Variants in DNHD1 observed in about 807,000 individuals in gnomAD.
DNHD1 encodes the protein dynein heavy chain domain 1.
A neutral mutation model predicts 458.1 loss-of-function variants in DNHD1; 383 were observed. That is an observed-to-expected ratio of 0.84 (90% CI 0.77 to 0.91). The LOEUF (loss-of-function observed/expected upper bound fraction) is 0.91. DNHD1 is among the 40% of genes least tolerant of loss of function. The pLI is 0.00. For synonymous variants in DNHD1, 2,203 were observed against 2,376.9 expected, an observed-to-expected ratio of 0.93 and a Z score of 2.13; for missense variants, 5,336 against 5,866.1, an observed-to-expected ratio of 0.91 and a Z score of 2.95.
rs780982626 is a variant in DNHD1 at position 6,566,885 on chromosome 11, G to A, written c.11386-10G>A. The A allele has an allele frequency of 3.1e-6, 5 of 1,610,058 alleles. 1 individual carries two copies. The South Asian group carries it at 4.4e-5, about 14-fold the overall frequency. ...AGGGCCAGATCCATCCAACAAATGA[G>A]TGTATGCAGGAGCGGCTGCTGACGA... On this transcript the variant is annotated splice_polypyrimidine_tract_variant and intron_variant, in intron 35 of 42. Coordinates refer to ENST00000254579, the MANE Select transcript of DNHD1 (RefSeq NM_144666.3).
intron 24 of DNHD1, among the ~76,000 whole-genome samples, chr11:6,552,361 T>G (rs2134439385): frequency 6.6e-6 from 1 of 151,876 alleles, no homozygotes; most frequent in South Asian, 2.1e-4. Flanking sequence ...CCATCTCTAC[T>G]AAAAATACAA....
At chr11:6,522,481 A>G (rs1054773218) in intron 10 of DNHD1, among the ~76,000 whole-genome samples, 1 of 152,176 alleles carries the variant, frequency 6.6e-6, no homozygotes, top group Non-Finnish European at 1.5e-5. Flanking sequence ...GGAGGGTGAG[A>G]GGAAGGAGAG....
In DNHD1 at chr11:6,505,898, G is replaced by T. The variant is rs559297090; in HGVS notation, c.920+2972G>T. Among the ~76,000 whole-genome samples the T allele has an allele frequency of 6.8e-4, 103 of 152,326 alleles. No individual in the cohort carries two copies. The highest frequency in any genetic ancestry group is 2.2e-3 in the African/African-American group (91 of 41,576). On this transcript the variant is annotated intron_variant, in intron 4 of 42. Transcript: ENST00000254579. This position sits in a 1 kb window ranked among gnomAD's most constrained non-coding sequence, Gnocchi z 4.4. ...AATGATAGTAATGGTAACAATGTGG[G>T]ATGGAATGCCTACAAACCATAGTTG...
In DNHD1 at chr11:6,567,256, G is replaced by C; in HGVS notation, c.11747G>C (p.Arg3916Pro). The C allele has an allele frequency of 1.2e-6, 2 of 1,613,970 alleles. No homozygotes were observed. The highest frequency in any genetic ancestry group is 1.7e-6 in the Non-Finnish European group (2 of 1,179,902). The stretch of plus-strand genomic sequence containing the variant: ...CTGCAATTGAGAGCACACCTGACCC[G>C]CCAGCTGCTGGGCAGCACCGTGACT... The part of the protein sequence containing the change: ...HLLQLRAHLT[R>P]QLLGSTVTAL... Residue 3916 changes from arginine to proline, a missense_variant, in exon 36 of 43, where the codon CGC (arginine) becomes CCC (proline). Physicochemically the swap from Arg to Pro is moderately radical, Grantham distance 103. Transcript: ENST00000254579.
chr11:6,511,587 T>G (rs1236784045), intron 7 of DNHD1, among the ~76,000 whole-genome samples, 158 bp downstream of exon 7: 1 of 152,198 alleles, frequency 6.6e-6, no homozygotes, highest in African/African-American at 2.4e-5. Flanking sequence ...CAGTTTCTGC[T>G]CTAGGATGGA....
Position 6,534,741 on chromosome 11 carries a change from G to A in DNHD1, c.2998+568G>A, listed in dbSNP as rs146766289. 2.0e-5 allele frequency among the ~76,000 whole-genome samples: 3 copies of A among 152,282 alleles called. No homozygotes were observed. In the East Asian group the frequency reaches 5.8e-4, roughly 29 times the overall value. ...AAGAACTCTGTGGGCTCTGGAAGGA[G>A]ACCAGAGCAAATATAAGAGCCATTA... On this transcript the variant is annotated intron_variant, in intron 14 of 42. Transcript: ENST00000254579.
At chr11:6,518,497 T>C (rs944891770) in intron 7 of DNHD1, among the ~76,000 whole-genome samples, 3 of 152,240 alleles carry the variant, frequency 2.0e-5, no homozygotes, top group African/African-American at 7.2e-5. Flanking sequence ...TGGCACTCAG[T>C]AGGCTCTTTC....
At position 6,571,927 on chromosome 11, in the gene DNHD1, C is replaced by A; in HGVS notation, c.14203C>A (p.Leu4735Ile). 1.2e-6 allele frequency: 2 copies of A among 1,613,974 alleles called. No individual in the cohort carries two copies. Among genetic ancestry groups the A allele is most frequent in the Non-Finnish European group, 1.7e-6 (2 of 1,179,872 alleles). ...GATGCATCTGCCTTTACCCACCAAG[C>A]TCACCCCCAACACCTGTGTCCAAAG... The part of the protein sequence containing the change: ...IVMHLPLPTK[L>I]TPNTCVQRRV... The change falls in exon 43 of 43, where the codon CTC (leucine) becomes ATC (isoleucine). Residue 4735 changes from leucine to isoleucine, a missense_variant. Physicochemically the swap from Leu to Ile is conservative, Grantham distance 5. Transcript: ENST00000254579. The surrounding 1 kb of genome is among the most constrained non-coding windows in gnomAD (Gnocchi z 5.0).
rs115446527 is a variant in DNHD1, at chr11:6,562,451, A to G, written c.9520-531A>G. On this transcript the variant is annotated intron_variant, in intron 28 of 42. Transcript: ENST00000254579. ...CTAGAGAGAGAGATTTGGCAGTTGG[A>G]ACGTAAGTAGGAATCAAAGCCATGA... 5.9e-3 allele frequency among the ~76,000 whole-genome samples: 903 copies of G among 152,260 alleles called. 11 individuals are homozygous for G. Among genetic ancestry groups the G allele is most frequent in the African/African-American group, 0.02 (835 of 41,548 alleles).
At chr11:6,562,893 T>C in intron 28 of DNHD1, 89 bp from the exon 29 acceptor site, 1 of 1,425,362 alleles carries the variant, frequency 7.0e-7, no homozygotes, top group Middle Eastern at 2.2e-4. Flanking sequence ...AAGTGAGGAG[T>C]GTGCTACAGT....
chr11:6,533,283 G>A (rs1408228177), intron 13 of DNHD1, 99 bp downstream of exon 13: 22 of 1,258,590 alleles, frequency 1.7e-5, no homozygotes, highest in East Asian at 2.5e-5. Flanking sequence ...CCCCAGCAGA[G>A]CTTGATGCTC....
At chr11:6,499,980 T>TC (rs58375588) in intron 3 of DNHD1, among the ~76,000 whole-genome samples, 7 of 140,694 alleles carry the variant, frequency 5.0e-5, no homozygotes, top group South Asian at 4.7e-4. Flanking sequence ...TTTTTTTTTT[T>TC]CTGAAACAGA....
At chr11:6,517,872 T>C (rs952143513) in intron 7 of DNHD1, among the ~76,000 whole-genome samples, 108 of 152,164 alleles carry the variant, frequency 7.1e-4, no homozygotes, top group African/African-American at 2.5e-3. Flanking sequence ...TCTTTGCCCA[T>C]CAAATCTTTT....
chr11:6,503,261 A>G (rs1425972379), intron 4 of DNHD1: 1 of 205,306 alleles, frequency 4.9e-6, no homozygotes, highest in African/African-American at 2.3e-5. Flanking sequence ...TTCCAACTCC[A>G]ATGGAAGAAA....
rs1423863847 is a variant in DNHD1, at chr11:6,546,622, C to T, written c.5683C>T (p.Pro1895Ser). The change falls in exon 21 of 43, where the codon CCG becomes TCG. Residue 1895 changes from proline (P) to serine (S), a missense_variant. This residue lies in a region of DNHD1 where 3,932 missense variants were observed against 4,365.6 expected (regional missense o/e 0.90). Coordinates refer to ENST00000254579, the MANE Select transcript of DNHD1 (RefSeq NM_144666.3). ...IRTLNVTKEE[P>S]KCQKPRSLAA... ...GACACTAAATGTGACCAAGGAGGAACCGAAGTGCCAGAAGCCTCGCAGCCT... is the reference window on the plus strand; with the variant it reads ...GACACTAAATGTGACCAAGGAGGAATCGAAGTGCCAGAAGCCTCGCAGCCT... 3 of 1,551,348 alleles carry T rather than the reference C, an allele frequency of 1.9e-6. No individual in the cohort carries two copies. The highest frequency in any genetic ancestry group is 2.4e-5 in the East Asian group (1 of 40,914).
At position 6,567,099 on chromosome 11, in the gene DNHD1, C is replaced by T. The variant is rs746116181; in HGVS notation, c.11590C>T (p.Leu3864=). 3 of 1,614,054 alleles carry T rather than the reference C, an allele frequency of 1.9e-6. No individual in the cohort carries two copies. The highest frequency in any genetic ancestry group is 3.3e-5 in the Admixed American group (2 of 60,026). ...GCATGGAATGGCCATGGTAAAGGCC[C>T]TAAGCCAACTGCAGAACCTGCTGCC... ...VWHGMAMVKA[L]SQLQNLLPLF... Residue 3864 remains leucine, a synonymous_variant, in exon 36 of 43, where the codon CTA becomes TTA. Transcript: ENST00000254579.
In DNHD1 at chr11:6,557,576, A is replaced by G; in HGVS notation, c.8281A>G (p.Lys2761Glu). Residue 2761 changes from lysine to glutamate, a missense_variant, in exon 25 of 43, where the codon AAG (lysine) becomes GAG (glutamate). Lys to Glu is a moderately conservative substitution (Grantham distance 56, BLOSUM62 1). This residue lies in a region of DNHD1 where 3,932 missense variants were observed against 4,365.6 expected (regional missense o/e 0.90). Transcript: ENST00000254579. ...CATAGGACCAGTAAGCAGGGGGATG[A>G]AGGAAAGCATAAGTCACAAGATAAG... ...PSIGPVSRGM[K>E]ESISHKIRQE... 1 of 1,551,788 alleles carries G rather than the reference A, an allele frequency of 6.4e-7. No homozygotes were observed. The highest frequency in any genetic ancestry group is 8.7e-7 in the Non-Finnish European group (1 of 1,146,994).
rs1395907558 is a variant in DNHD1 at position 6,534,081 on chromosome 11, G to A, written c.2906G>A (p.Ser969Asn). Residue 969 changes from serine (S) to asparagine (N), a missense_variant, in exon 14 of 43, where the codon AGT (serine) becomes AAT (asparagine). Physicochemically the swap from Ser to Asn is conservative, Grantham distance 46. Around this residue, in one of 4 missense-constraint regions of DNHD1, gnomAD observed 3,932 missense variants for 4,365.6 expected, o/e 0.90. Transcript: ENST00000254579. ...ATGGACCCCACACAAGATCAGAGGA[G>A]TACTGAGCACCAGCTCGTCTCCCTA... is the stretch of plus-strand genomic sequence containing the variant. ...PFMDPTQDQR[S>N]TEHQLVSLER... The A allele has an allele frequency of 1.3e-6, 2 of 1,551,436 alleles. No individual in the cohort carries two copies. Among genetic ancestry groups the A allele is most frequent in the African/African-American group, 2.7e-5 (2 of 72,996 alleles).
chr11:6,519,627 C>A lies in DNHD1; in HGVS notation c.1420C>A (p.Gln474Lys). ...LVHEDTYHMQ[Q>K]CLQERVQNCD... is the part of the protein sequence containing the mutation. ...TCACGAGGACACATACCACATGCAACAGTGCCTACAGGAGCGAGTACAAAA... is the reference window on the plus strand; with the variant it reads ...TCACGAGGACACATACCACATGCAAAAGTGCCTACAGGAGCGAGTACAAAA... The change falls in exon 8 of 43, where the codon CAG (glutamine) becomes AAG (lysine). Residue 474 changes from glutamine (Q) to lysine (K), a missense_variant. Gln to Lys is a moderately conservative substitution (Grantham distance 53, BLOSUM62 1). Coordinates refer to ENST00000254579, the MANE Select transcript of DNHD1 (RefSeq NM_144666.3). 1 of 1,614,188 alleles carries A rather than the reference C, an allele frequency of 6.2e-7. No homozygotes were observed.
Sources: allele counts gnomAD v4.1 joint callset (sites outside exome capture counted in the v4.1 genomes callset), GRCh38; gene constraint gnomAD v4.1.1; regional missense constraint gnomAD v4.1.1; non-coding constraint Gnocchi (gnomAD v3.1); transcripts MANE v1.5; gene names NCBI Gene and HGNC (gene_info 2026-07-23, HGNC 2026-07-21).